Variants in MEIS2 observed in about 807,000 individuals in gnomAD.
MEIS2 encodes the protein homeobox protein Meis2.
Under a neutral mutation model 58.6 loss-of-function variants are expected in MEIS2, and 9 were observed. The observed-to-expected ratio is 0.15, with a 90% CI of 0.09 to 0.27. The LOEUF is 0.27. MEIS2 is among the 10% of genes least tolerant of loss of function. The pLI, the probability that MEIS2 is intolerant of heterozygous loss-of-function variation, is 1.00. For missense variants in MEIS2, 427 were observed against 635.0 expected (o/e 0.67, Z 3.52); for synonymous variants, 221 against 228.4 (o/e 0.97, Z 0.29).
intron 8 of MEIS2, among the ~76,000 whole-genome samples, chr15:37,032,194 T>G (rs534178645): frequency 1.3e-5 from 2 of 152,276 alleles, no homozygotes; most frequent in African/African-American, 4.8e-5. Context: ...CCCTATGTTT[T>G]CAAATAAGAA....
intron 8 of MEIS2, among the ~76,000 whole-genome samples, chr15:37,012,713 C>T (rs2061206342): frequency 6.6e-6 from 1 of 151,856 alleles, no homozygotes; most frequent in Non-Finnish European, 1.5e-5. Context: ...TTAAGATTGC[C>T]CTAATGTGTA....
chr15:37,064,545 G>T (rs1356880650), intron 7 of MEIS2, among the ~76,000 whole-genome samples: 1 of 152,064 alleles, frequency 6.6e-6, no homozygotes, highest in Non-Finnish European at 1.5e-5. Context: ...TTACATTTAG[G>T]CTAATTTCTT....
intron 8 of MEIS2, among the ~76,000 whole-genome samples, chr15:36,972,343 A>G (rs949719977): frequency 6.6e-6 from 1 of 152,180 alleles, no homozygotes; most frequent in African/African-American, 2.4e-5. Context: ...GAATGGAGCC[A>G]GAGTGATCCC....
intron 8 of MEIS2, among the ~76,000 whole-genome samples, chr15:37,010,456 C>T (rs757504776): frequency 9.2e-5 from 14 of 152,144 alleles, no homozygotes; most frequent in Non-Finnish European, 1.8e-4. Flanking sequence ...GATCTTGGCT[C>T]ACTGCAACCT....
chr15:37,035,199 C>A (rs1167410783), intron 8 of MEIS2, among the ~76,000 whole-genome samples: 7 of 152,188 alleles, frequency 4.6e-5, no homozygotes, highest in Non-Finnish European at 7.3e-5. Context: ...ACCAAACAAA[C>A]CTTCATTTAA....
intron 7 of MEIS2, among the ~76,000 whole-genome samples, chr15:37,069,612 G>C (rs1054248100): frequency 2.0e-5 from 3 of 152,148 alleles, no homozygotes; most frequent in Non-Finnish European, 4.4e-5. Flanking sequence ...GTAGAATGTA[G>C]GAATGCAGAA....
In MEIS2 at chr15:37,098,112, G is replaced by T; in HGVS notation, c.100C>A (p.Pro34Thr). 1 of 1,613,740 alleles carries T rather than the reference G, an allele frequency of 6.2e-7. No homozygotes were observed. Among genetic ancestry groups the T allele is most frequent in the East Asian group, 2.2e-5 (1 of 44,858 alleles). ...YGDPHAPRPI[P>T]PVHHLNHGPP... ...CCGTGGTTCAGGTGGTGAACCGGGG[G>T]GATCGGCCGCGGCGCGTGAGGGTCT... Residue 34 changes from proline (P) to threonine (T), a missense_variant, in exon 2 of 12, where the codon CCC (proline) becomes ACC (threonine). This residue lies in a region of MEIS2 where 103 missense variants were observed against 111.8 expected (regional missense o/e 0.92). Coordinates refer to ENST00000561208, the MANE Select transcript of MEIS2 (RefSeq NM_170675.5).
At chr15:36,990,637 C>T (rs1162108192) in intron 8 of MEIS2, among the ~76,000 whole-genome samples, 3 of 46,106 alleles carry the variant, frequency 6.5e-5, no homozygotes, top group African/African-American at 1.6e-4. Context: ...GTTTAGTGGG[C>T]TTTCTTTTTT....
intron 7 of MEIS2, among the ~76,000 whole-genome samples, chr15:37,054,446 G>T (rs2063048886): frequency 1.3e-5 from 2 of 152,136 alleles, no homozygotes; most frequent in South Asian, 4.1e-4. Flanking sequence ...TTTGAGACAG[G>T]ATCTCTGTTG....
Position 37,099,663 on chromosome 15 carries a change from T to C in MEIS2, c.-197A>G, listed in dbSNP as rs1182756555. 1.6e-6 allele frequency: 1 copy of C among 640,048 alleles called. No individual in the cohort carries two copies. Among genetic ancestry groups the C allele is most frequent in the Non-Finnish European group, 2.5e-6 (1 of 397,254 alleles). The allele number at this position is 640,048 out of a possible 1,614,324, so 39.6% of individuals were successfully genotyped here. A position where few individuals can be genotyped will look rare whatever the true frequency, so the allele number is the denominator to read the frequency against. On this transcript the variant is annotated 5_prime_UTR_variant, in exon 1 of 12. Transcript: ENST00000561208. ...CGAAGAATTTTTTTTTCTGTGATAT[T>C]TCTTCTTTTTCTCTTTTTTCCTCTT...
intron 6 of MEIS2, among the ~76,000 whole-genome samples, chr15:37,093,212 C>A (rs958382347): frequency 2.0e-5 from 3 of 152,230 alleles, no homozygotes; most frequent in Non-Finnish European, 2.9e-5. Flanking sequence ...AGCTAACTGT[C>A]TTGCTTCTTT....
intron 7 of MEIS2, among the ~76,000 whole-genome samples, chr15:37,041,483 C>T (rs1489811116): frequency 6.6e-6 from 1 of 152,212 alleles, no homozygotes; most frequent in Non-Finnish European, 1.5e-5. Flanking sequence ...GGAAGTCACG[C>T]ATGCTTTCCT....
intron 8 of MEIS2, among the ~76,000 whole-genome samples, chr15:36,969,925 A>G (rs1282837000): frequency 1.3e-5 from 2 of 152,106 alleles, no homozygotes; most frequent in Non-Finnish European, 2.9e-5. Flanking sequence ...AAAAAAGTAC[A>G]GATATAAGAA....
intron 6 of MEIS2, among the ~76,000 whole-genome samples, chr15:37,086,511 T>G (rs1039903817): frequency 2.0e-5 from 3 of 152,246 alleles, no homozygotes; most frequent in Non-Finnish European, 2.9e-5. Flanking sequence ...TCTTTGGTTT[T>G]CTGCCCATTC....
intron 8 of MEIS2, among the ~76,000 whole-genome samples, chr15:37,008,843 AT>A (rs967405568): frequency 1.3e-5 from 2 of 152,224 alleles, no homozygotes. Context: ...TGCTGCACAT[AT>A]TTAGGTATAA....
At chr15:36,992,927 A>C (rs1243016570) in intron 8 of MEIS2, among the ~76,000 whole-genome samples, 2 of 152,192 alleles carry the variant, frequency 1.3e-5, no homozygotes, top group Non-Finnish European at 2.9e-5. Context: ...AACATAAACG[A>C]ATCCCAAATT....
At chr15:36,990,337 T>G (rs1394193458) in intron 8 of MEIS2, among the ~76,000 whole-genome samples, 1 of 152,094 alleles carries the variant, frequency 6.6e-6, no homozygotes, top group Non-Finnish European at 1.5e-5. Flanking sequence ...AATCCACACT[T>G]TGTTGAATCT....
At chr15:36,968,288 C>T (rs1224547531) in intron 8 of MEIS2, among the ~76,000 whole-genome samples, 5 of 152,194 alleles carry the variant, frequency 3.3e-5, no homozygotes, top group South Asian at 4.1e-4. Context: ...TCTTTAGATG[C>T]TGGTTAGAAA....
At chr15:37,059,177 C>A (rs1888853323) in intron 7 of MEIS2, among the ~76,000 whole-genome samples, 1 of 152,108 alleles carries the variant, frequency 6.6e-6, no homozygotes, top group Non-Finnish European at 1.5e-5. Context: ...ACTAGGGGAG[C>A]AGACTGCTTT....
Sources: gnomAD v4.1 joint callset for allele counts (sites outside exome capture counted in the v4.1 genomes callset) on GRCh38, gnomAD v4.1.1 for gene constraint, gnomAD v4.1.1 regional missense constraint, MANE v1.5 for transcripts, NCBI Gene and HGNC (gene_info 2026-07-23, HGNC 2026-07-21) for gene names.